The following CLNK variants were observed in gnomAD, a reference collection of about 807,000 sequenced individuals.
CLNK encodes cytokine dependent hematopoietic cell linker.
In CLNK, 74 loss-of-function variants were observed where a neutral mutation model predicts 68.6. That is an observed-to-expected ratio of 1.08 (90% CI 0.89 to 1.31). The LOEUF is 1.31. Among genes scored for constraint, CLNK ranks in the 50% most tolerant of loss-of-function variants. The probability of loss-of-function intolerance (pLI) is 0.00; values close to 1 mark genes in which losing one functional copy is unlikely to be tolerated. For missense variants in CLNK, 553 were observed against 515.3 expected (o/e 1.07, Z -0.71); for synonymous variants, 198 against 172.2 (o/e 1.15, Z -1.17).
intron 7 of CLNK, among the ~76,000 whole-genome samples, chr4:10,561,075 T>A (rs879813727): frequency 2.0e-5 from 3 of 151,182 alleles, no homozygotes; most frequent in Admixed American, 6.6e-5. Context: ...TTTTTTTTAA[T>A]TTTTTTTTAG....
intron 4 of CLNK, among the ~76,000 whole-genome samples, chr4:10,577,783 G>GA (rs113306981): frequency 0.019 from 2,626 of 141,018 alleles, 65 homozygotes; most frequent in East Asian, 0.086. Flanking sequence ...ACTTACATAA[G>GA]AAAAAAAAAA....
intron 1 of CLNK, among the ~76,000 whole-genome samples, chr4:10,672,932 A>G (rs1010932971): frequency 6.6e-6 from 1 of 152,232 alleles, no homozygotes; most frequent in Non-Finnish European, 1.5e-5. Flanking sequence ...CACATCTTAA[A>G]TAGACATTTA....
intron 16 of CLNK, among the ~76,000 whole-genome samples, chr4:10,510,968 C>T (rs774943713): frequency 6.6e-6 from 1 of 152,180 alleles, no homozygotes; most frequent in Admixed American, 6.5e-5. Context: ...GCCTGGCCAA[C>T]GTGGTGAAAC....
At chr4:10,526,920 G>A (rs1033321762) in intron 13 of CLNK, among the ~76,000 whole-genome samples, 7 of 152,106 alleles carry the variant, frequency 4.6e-5, no homozygotes, top group African/African-American at 1.2e-4. Context: ...AGCTGTGACC[G>A]TAAGTAATAA....
At chr4:10,552,266 T>C (rs1233613219) in intron 8 of CLNK, among the ~76,000 whole-genome samples, 2 of 152,160 alleles carry the variant, frequency 1.3e-5, no homozygotes, top group African/African-American at 2.4e-5. Flanking sequence ...ATTCAGGCTA[T>C]AGTTTAAATG....
At chr4:10,618,338 A>T (rs996952172) in intron 2 of CLNK, among the ~76,000 whole-genome samples, 1 of 152,216 alleles carries the variant, frequency 6.6e-6, no homozygotes, top group African/African-American at 2.4e-5. Context: ...TAGAGAAAAA[A>T]GTAGATTAGT....
chr4:10,595,993 A>G (rs571315729), intron 3 of CLNK, among the ~76,000 whole-genome samples: 15 of 152,206 alleles, frequency 9.9e-5, no homozygotes, highest in Non-Finnish European at 1.8e-4. Context: ...AAGAGATTCA[A>G]TAGTGAACAT....
chr4:10,578,340 A>T (rs1430677801), intron 4 of CLNK, among the ~76,000 whole-genome samples: 1 of 152,160 alleles, frequency 6.6e-6, no homozygotes, highest in African/African-American at 2.4e-5. Context: ...AACTCTGTTG[A>T]TATCCACCTG....
chr4:10,713,448 A>C, the CLNK span, among the ~76,000 whole-genome samples: 2 of 152,166 alleles, frequency 1.3e-5, no homozygotes, highest in African/African-American at 4.8e-5. Context: ...AACCTCAGCC[A>C]AAAGGAGGTG....
intron 5 of CLNK, among the ~76,000 whole-genome samples, chr4:10,568,077 C>T (rs140372651): frequency 1.1e-4 from 16 of 152,298 alleles, no homozygotes; most frequent in Non-Finnish European, 2.4e-4. Flanking sequence ...CACACAAAAA[C>T]TAGCACATGT....
At chr4:10,529,691 C>T (rs1206800959) in intron 12 of CLNK, among the ~76,000 whole-genome samples, 1 of 152,124 alleles carries the variant, frequency 6.6e-6, no homozygotes, top group Non-Finnish European at 1.5e-5. Context: ...GGACTTTGAA[C>T]CTGGCTGTTC....
At chr4:10,592,452 C>G (rs749697214) in intron 3 of CLNK, among the ~76,000 whole-genome samples, 1 of 152,034 alleles carries the variant, frequency 6.6e-6, no homozygotes. Context: ...TCTGAGCCTC[C>G]CCCACTTCCC....
At chr4:10,730,284 T>C in the CLNK span, among the ~76,000 whole-genome samples, 1 of 152,180 alleles carries the variant, frequency 6.6e-6, no homozygotes, top group African/African-American at 2.4e-5. Context: ...CCCATTTCAC[T>C]AAGTGATACC....
chr4:10,499,033 G>T (rs1716926389), intron 18 of CLNK, among the ~76,000 whole-genome samples: 1 of 149,426 alleles, frequency 6.7e-6, no homozygotes, highest in South Asian at 2.1e-4. Flanking sequence ...AGATGCCCAG[G>T]CACGCCACAG....
At chr4:10,588,638 A>G (rs1241090330) in intron 3 of CLNK, among the ~76,000 whole-genome samples, 3 of 152,168 alleles carry the variant, frequency 2.0e-5, no homozygotes, top group African/African-American at 7.2e-5. Context: ...AATTTTTAGA[A>G]TGTTCCTATT....
At chr4:10,569,817 G>A (rs1360223411) in intron 5 of CLNK, among the ~76,000 whole-genome samples, 1 of 152,182 alleles carries the variant, frequency 6.6e-6, no homozygotes, top group Non-Finnish European at 1.5e-5. Flanking sequence ...TCTGTAAATT[G>A]GAGATGACTA....
At chr4:10,539,409 A>T (rs895210534) in intron 11 of CLNK, among the ~76,000 whole-genome samples, 1 of 152,226 alleles carries the variant, frequency 6.6e-6, no homozygotes, top group Admixed American at 6.5e-5. Flanking sequence ...AAATGAGCCT[A>T]TCCTGAGTTT....
At chr4:10,710,963 T>C in the CLNK span, among the ~76,000 whole-genome samples, 3 of 152,218 alleles carry the variant, frequency 2.0e-5, no homozygotes, top group Non-Finnish European at 4.4e-5. Flanking sequence ...TGTAAGCATG[T>C]TTCCTTTTGG....
the CLNK span, among the ~76,000 whole-genome samples, chr4:10,713,457 T>C: frequency 6.6e-6 from 1 of 151,380 alleles, no homozygotes; most frequent in African/African-American, 2.4e-5. Flanking sequence ...CAAAAGGAGG[T>C]GGAGGAGATA....
Sources: gnomAD v4.1 joint callset for allele counts (sites outside exome capture counted in the v4.1 genomes callset) on GRCh38, gnomAD v4.1.1 for gene constraint, MANE v1.5 for transcripts, NCBI Gene and HGNC (gene_info 2026-07-23, HGNC 2026-07-21) for gene names.